Variants in ASIC2 observed in about 807,000 individuals in gnomAD.
ASIC2 encodes acid sensing ion channel subunit 2.
ASIC2 carries 25 observed loss-of-function variants against 57.3 expected under a neutral mutation model. The ratio of observed to expected loss-of-function variants is 0.44; its 90% CI spans 0.32 to 0.61. The LOEUF is 0.61. Among genes scored for constraint, ASIC2 ranks in the 20% least tolerant of loss-of-function variants. The pLI, the probability that ASIC2 is intolerant of heterozygous loss-of-function variation, is 0.06. For missense variants in ASIC2, 641 were observed against 738.1 expected (o/e 0.87, Z 1.52); for synonymous variants, 319 against 307.5 (o/e 1.04, Z -0.39).
chr17:33,861,190 A>T lies in ASIC2; in HGVS notation c.555+294788T>A, dbSNP rs116098542. 2.7e-3 allele frequency among the ~76,000 whole-genome samples: 416 copies of T among 152,358 alleles called. 2 individuals are homozygous for T. Among genetic ancestry groups the T allele is most frequent in the African/African-American group, 9.5e-3 (394 of 41,594 alleles). On this transcript the variant is annotated intron_variant, in intron 1 of 9. Transcript: ENST00000359872. ...AATATTAAAAACAATCTCAATGTTC[A>T]ATAATAAAGGAGCATATGCTTTATG... is the stretch of plus-strand genomic sequence containing the variant.
intron 1 of ASIC2, among the ~76,000 whole-genome samples, chr17:33,684,773 C>CT (rs527365196): frequency 0.02 from 2,976 of 145,498 alleles, 34 homozygotes; most frequent in South Asian, 0.028. Flanking sequence ...ATATCCACGT[C>CT]TTTTTTTTTT....
chr17:33,477,386 G>A (rs1340303182), intron 1 of ASIC2, among the ~76,000 whole-genome samples: 1 of 152,180 alleles, frequency 6.6e-6, no homozygotes, highest in East Asian at 1.9e-4. Flanking sequence ...CCCTGAATCA[G>A]TGAGGTGAGA....
chr17:33,783,968 C>T (rs962610559), intron 1 of ASIC2, among the ~76,000 whole-genome samples: 3 of 152,210 alleles, frequency 2.0e-5, no homozygotes, highest in African/African-American at 2.4e-5. Flanking sequence ...AACTTGGCAG[C>T]GACTCTTTAC....
intron 1 of ASIC2, among the ~76,000 whole-genome samples, chr17:33,145,333 T>C (rs1240285693): frequency 1.3e-5 from 2 of 152,196 alleles, no homozygotes; most frequent in African/African-American, 2.4e-5. Flanking sequence ...AGCGTTGCCA[T>C]GCACCTCGTC....
intron 1 of ASIC2, among the ~76,000 whole-genome samples, chr17:33,373,359 A>C (rs1909156340): frequency 6.6e-6 from 1 of 152,380 alleles, no homozygotes; most frequent in African/African-American, 2.4e-5. Flanking sequence ...ATTCCTGGGC[A>C]TAGGCCCATT....
chr17:33,082,876 G>T (rs765864160), intron 3 of ASIC2, among the ~76,000 whole-genome samples: 1 of 151,966 alleles, frequency 6.6e-6, no homozygotes, highest in African/African-American at 2.4e-5. Flanking sequence ...AATTTTCCCC[G>T]AATTCCAGAA....
chr17:33,418,898 A>C (rs1910950226), intron 1 of ASIC2, among the ~76,000 whole-genome samples: 1 of 150,666 alleles, frequency 6.6e-6, no homozygotes, highest in Non-Finnish European at 1.5e-5. Flanking sequence ...TGGGAGTTGA[A>C]TAATGAGAAC....
At chr17:33,991,354 G>C (rs935294295) in intron 1 of ASIC2, among the ~76,000 whole-genome samples, 3 of 152,164 alleles carry the variant, frequency 2.0e-5, no homozygotes, top group African/African-American at 7.2e-5. Context: ...AGGATGAAGT[G>C]CCAGGGATCC....
At chr17:34,107,924 T>C (rs1911119561) in intron 1 of ASIC2, among the ~76,000 whole-genome samples, 1 of 152,198 alleles carries the variant, frequency 6.6e-6, no homozygotes, top group South Asian at 2.1e-4. Flanking sequence ...TGTCACTCTT[T>C]CTCATACTTT....
At chr17:33,660,258 C>A (rs934557026) in intron 1 of ASIC2, among the ~76,000 whole-genome samples, 1 of 152,034 alleles carries the variant, frequency 6.6e-6, no homozygotes, top group Non-Finnish European at 1.5e-5. Flanking sequence ...ACTTATGCTA[C>A]ATCAAATTTA....
chr17:34,019,330 C>T (rs975999550), intron 1 of ASIC2, among the ~76,000 whole-genome samples: 6 of 152,186 alleles, frequency 3.9e-5, no homozygotes, highest in African/African-American at 1.2e-4. Context: ...GGACTGACTC[C>T]AATTTTGAAA....
intron 1 of ASIC2, among the ~76,000 whole-genome samples, chr17:33,564,016 G>A (rs1916156268): frequency 6.6e-6 from 1 of 152,204 alleles, no homozygotes; most frequent in African/African-American, 2.4e-5. Flanking sequence ...CCATAGTCCT[G>A]ACACTGGAAC....
At chr17:34,043,120 T>C (rs532636970) in intron 1 of ASIC2, among the ~76,000 whole-genome samples, 29 of 152,070 alleles carry the variant, frequency 1.9e-4, no homozygotes, top group Non-Finnish European at 3.7e-4. Flanking sequence ...TAAGAGAGCA[T>C]TGACTTTTAG....
intron 1 of ASIC2, among the ~76,000 whole-genome samples, chr17:33,760,206 T>C (rs987654550): frequency 6.6e-5 from 10 of 152,134 alleles, no homozygotes; most frequent in African/African-American, 2.4e-4. Flanking sequence ...AAATAAAACA[T>C]ATATTATGTG....
intron 3 of ASIC2, among the ~76,000 whole-genome samples, chr17:33,031,339 T>C (rs1393385568): frequency 1.3e-5 from 2 of 152,160 alleles, no homozygotes; most frequent in Non-Finnish European, 2.9e-5. Flanking sequence ...TTTTTTAATG[T>C]CTGTAGGATT....
At chr17:33,270,800 C>T (rs942052774) in intron 1 of ASIC2, among the ~76,000 whole-genome samples, 1 of 152,236 alleles carries the variant, frequency 6.6e-6, no homozygotes, top group African/African-American at 2.4e-5. Flanking sequence ...TGACTCTACT[C>T]ACTTGAACAG....
At chr17:33,559,397 T>C (rs1916004890) in intron 1 of ASIC2, among the ~76,000 whole-genome samples, 1 of 152,220 alleles carries the variant, frequency 6.6e-6, no homozygotes, top group South Asian at 2.1e-4. Context: ...AATGTCATGC[T>C]CTATATGGGC....
chr17:33,229,704 A>C (rs1908018842), intron 1 of ASIC2, among the ~76,000 whole-genome samples: 1 of 152,212 alleles, frequency 6.6e-6, no homozygotes, highest in Non-Finnish European at 1.5e-5. Context: ...CATGGGAGCC[A>C]ATAAATAGAC....
chr17:33,886,362 C>T (rs317376), intron 1 of ASIC2, among the ~76,000 whole-genome samples: 65,676 of 151,814 alleles, frequency 0.43, 14,619 homozygotes, highest in African/African-American at 0.52. Context: ...GGATTCCGAT[C>T]GTAAAGGAAC....
Sources: gnomAD v4.1 joint callset for allele counts (sites outside exome capture counted in the v4.1 genomes callset) on GRCh38, gnomAD v4.1.1 for gene constraint, MANE v1.5 for transcripts, NCBI Gene and HGNC (gene_info 2026-07-23, HGNC 2026-07-21) for gene names.